LOC128125817: variants seen among roughly 807,000 people sequenced by gnomAD.
At chr1:41,627,591 C>T in the LOC128125817 span, among the ~76,000 whole-genome samples, 1 of 152,172 alleles carries the variant, frequency 6.6e-6, no homozygotes, top group Non-Finnish European at 1.5e-5. Context: ...GCAGCAACAG[C>T]GATGCCATCT....
chr1:41,591,692 T>A, the LOC128125817 span, among the ~76,000 whole-genome samples: 3 of 151,970 alleles, frequency 2.0e-5, no homozygotes, highest in Non-Finnish European at 4.4e-5. Flanking sequence ...TGGATTTTCA[T>A]GAGATAATGA....
chr1:41,601,264 T>C, the LOC128125817 span, among the ~76,000 whole-genome samples: 1 of 152,196 alleles, frequency 6.6e-6, no homozygotes. Flanking sequence ...AATCACAGAA[T>C]TGTTTTTTCT....
the LOC128125817 span, among the ~76,000 whole-genome samples, chr1:41,588,224 G>T: frequency 6.6e-6 from 1 of 152,164 alleles, no homozygotes; most frequent in East Asian, 1.9e-4. Flanking sequence ...GCCTTTGGGT[G>T]CTATGTGTGG....
the LOC128125817 span, among the ~76,000 whole-genome samples, chr1:41,619,716 C>G: frequency 6.6e-6 from 1 of 152,100 alleles, no homozygotes; most frequent in Non-Finnish European, 1.5e-5. Flanking sequence ...AGAGCCAGGG[C>G]TCCAGGGAGG....
chr1:41,593,785 CTT>C, the LOC128125817 span, among the ~76,000 whole-genome samples: 2 of 152,252 alleles, frequency 1.3e-5, no homozygotes, highest in African/African-American at 4.8e-5. Context: ...AATTTACTAT[CTT>C]ATAGTTCGAG....
the LOC128125817 span, among the ~76,000 whole-genome samples, chr1:41,615,561 G>A: frequency 6.6e-6 from 1 of 152,376 alleles, no homozygotes; most frequent in East Asian, 1.9e-4. Flanking sequence ...CCCAGAAACA[G>A]TGGCAGGGCC....
At chr1:41,608,819 C>T in the LOC128125817 span, among the ~76,000 whole-genome samples, 2 of 151,908 alleles carry the variant, frequency 1.3e-5, no homozygotes, top group South Asian at 2.1e-4. Context: ...CACCTGTAAT[C>T]CCAGCACTTT....
the LOC128125817 span, among the ~76,000 whole-genome samples, chr1:41,609,404 C>T: frequency 1.3e-5 from 2 of 152,342 alleles, no homozygotes; most frequent in Admixed American, 6.5e-5. Context: ...GTCAATGACC[C>T]GACTGCCTAA....
At chr1:41,625,883 C>T in the LOC128125817 span, among the ~76,000 whole-genome samples, 5 of 152,084 alleles carry the variant, frequency 3.3e-5, no homozygotes, top group Admixed American at 2.0e-4. Flanking sequence ...TATTCATAAA[C>T]CATCATTTTA....
the LOC128125817 span, among the ~76,000 whole-genome samples, chr1:41,619,908 C>A: frequency 6.6e-6 from 1 of 152,188 alleles, no homozygotes; most frequent in Non-Finnish European, 1.5e-5. Flanking sequence ...CTAGGCATGG[C>A]TGGCCACTCC....
the LOC128125817 span, among the ~76,000 whole-genome samples, chr1:41,626,633 C>G: frequency 6.6e-6 from 1 of 152,294 alleles, no homozygotes; most frequent in Admixed American, 6.5e-5. Flanking sequence ...TGTTGTACAC[C>G]TCATGGAATG....
the LOC128125817 span, among the ~76,000 whole-genome samples, chr1:41,596,976 G>T: frequency 6.6e-6 from 1 of 152,154 alleles, no homozygotes; most frequent in Non-Finnish European, 1.5e-5. Context: ...CTTGTTAACT[G>T]CTTTTTCCCT....
chr1:41,602,732 T>C, the LOC128125817 span, among the ~76,000 whole-genome samples: 1 of 152,086 alleles, frequency 6.6e-6, no homozygotes, highest in African/African-American at 2.4e-5. Flanking sequence ...GTTTATTTCT[T>C]CTGTAATCCT....
chr1:41,593,314 G>T, the LOC128125817 span, among the ~76,000 whole-genome samples: 4 of 151,498 alleles, frequency 2.6e-5, no homozygotes, highest in South Asian at 2.1e-4. Context: ...TCTGCGACTT[G>T]TTTTTTTTCT....
chr1:41,625,009 C>T, the LOC128125817 span, among the ~76,000 whole-genome samples: 40 of 151,866 alleles, frequency 2.6e-4, no homozygotes, highest in Non-Finnish European at 4.6e-4. Flanking sequence ...AATAAAAATA[C>T]AAAAATTAGC....
the LOC128125817 span, among the ~76,000 whole-genome samples, chr1:41,602,148 T>C: frequency 0.043 from 6,580 of 152,104 alleles, 166 homozygotes; most frequent in East Asian, 0.098. Flanking sequence ...GATGTGCTAG[T>C]ATTTTGTTGA....
chr1:41,626,714 T>C, the LOC128125817 span, among the ~76,000 whole-genome samples: 2 of 152,138 alleles, frequency 1.3e-5, no homozygotes, highest in Admixed American at 6.5e-5. Context: ...AGGAAACAAG[T>C]GCTAAGTTGA....
chr1:41,609,700 G>C, the LOC128125817 span, among the ~76,000 whole-genome samples: 1 of 152,346 alleles, frequency 6.6e-6, no homozygotes, highest in Admixed American at 6.5e-5. Context: ...CCATCTGTGT[G>C]TTCCAGCCAC....
At chr1:41,616,570 T>A in the LOC128125817 span, among the ~76,000 whole-genome samples, 6 of 23,158 alleles carry the variant, frequency 2.6e-4, no homozygotes, top group African/African-American at 1.5e-3. Context: ...TAGCAATTAC[T>A]TTTTTTTTTT....
Sources: gnomAD v4.1 joint callset for allele counts (sites outside exome capture counted in the v4.1 genomes callset) on GRCh38, gnomAD v4.1.1 for gene constraint, MANE v1.5 for transcripts.